The following PKD2 variants were observed in gnomAD, a reference collection of about 807,000 sequenced individuals.
PKD2 encodes the protein polycystin 2, transient receptor potential cation channel, also known as polycystin-2.
Under a neutral mutation model 105.9 loss-of-function variants are expected in PKD2, and 48 were observed. That is an observed-to-expected ratio of 0.45 (90% CI 0.36 to 0.58). The LOEUF (loss-of-function observed/expected upper bound fraction) is 0.58, where lower values mean the gene tolerates loss of function less well. Ranked by LOEUF, PKD2 falls within the 20% of genes least tolerant of loss-of-function variation. PKD2 has a pLI of 0.00. For synonymous variants in PKD2, 464 were observed against 481.1 expected, an observed-to-expected ratio of 0.96 and a Z score of 0.46; for missense variants, 1,078 against 1,255.3, an observed-to-expected ratio of 0.86 and a Z score of 2.13.
Position 88,065,092 on chromosome 4 carries a change from A to G in PKD2, c.2119-282A>G, listed in dbSNP as rs544231158. The stretch of plus-strand genomic sequence containing the variant: ...TCTGAGGCAGACAGCTATAGCATAT[A>G]TAGTAATTTTTGTTTCTATCACATA... On this transcript the variant is annotated intron_variant, in intron 10 of 14. Coordinates refer to ENST00000237596, the MANE Select transcript of PKD2 (RefSeq NM_000297.4). Among the ~76,000 whole-genome samples, 11 of 152,352 alleles carry G rather than the reference A, an allele frequency of 7.2e-5. No individual in the cohort carries two copies. The South Asian group carries it at 2.3e-3, about 32-fold the overall frequency.
In PKD2 at chr4:88,073,188, T is replaced by TA. The variant is rs370425542; in HGVS notation, c.2523-1606dup. Among the ~76,000 whole-genome samples, 756 of 115,908 alleles carry TA rather than the reference T, an allele frequency of 6.5e-3. 5 individuals are homozygous for TA. The highest frequency in any genetic ancestry group is 0.015 in the East Asian group (64 of 4,158). 76.0% of individuals were successfully genotyped at this position (115,908 alleles called of 152,430 possible). A position where few individuals can be genotyped will look rare whatever the true frequency, so the allele number is the denominator to read the frequency against. On this transcript the variant is annotated intron_variant, in intron 13 of 14. Transcript: ENST00000237596. ...TAACATAGCGAGACTTTGTCTCTAT[T>TA]AAAAAAAAAAAAAAAAAAGGTGTAA... is the stretch of plus-strand genomic sequence containing the variant.
At chr4:88,047,544 G>A (rs1727822798) in intron 6 of PKD2, among the ~76,000 whole-genome samples, 2 of 152,208 alleles carry the variant, frequency 1.3e-5, no homozygotes, top group Admixed American at 6.5e-5. Context: ...CTGGGTGACA[G>A]AGTGAGACCT....
chr4:88,074,578 G>A (rs917601049), intron 13 of PKD2, among the ~76,000 whole-genome samples: 1 of 152,118 alleles, frequency 6.6e-6, no homozygotes, highest in African/African-American at 2.4e-5. Context: ...TAAAGGGTTA[G>A]GCATACATTC....
chr4:88,056,664 T>A (rs1720349794), intron 8 of PKD2, among the ~76,000 whole-genome samples: 1 of 152,240 alleles, frequency 6.6e-6, no homozygotes, highest in South Asian at 2.1e-4. Flanking sequence ...AAGATATTTC[T>A]AATATTCTAA....
intron 1 of PKD2, among the ~76,000 whole-genome samples, chr4:88,018,698 A>G (rs1384610207): frequency 6.6e-6 from 1 of 152,218 alleles, no homozygotes; most frequent in Non-Finnish European, 1.5e-5. Context: ...GGGTTACGTC[A>G]TCTTCACTCA....
In PKD2 at chr4:88,008,265, C is replaced by T. The variant is rs940750317; in HGVS notation, c.532C>T (p.Leu178Phe). The stretch of plus-strand genomic sequence containing the variant: ...CGGCGGGGACCCGCTGCATCGCCAC[C>T]TCCCCCTGGAAGGGCAGCCGCCCCG... ...VGGGDPLHRH[L>F]PLEGQPPRVA... Residue 178 changes from leucine to phenylalanine, a missense_variant, in exon 1 of 15, where the codon CTC (leucine) becomes TTC (phenylalanine). By Grantham distance (22) the Leu-to-Phe change is conservative. Transcript: ENST00000237596. 15 of 1,468,792 alleles carry T rather than the reference C, an allele frequency of 1.0e-5. No individual in the cohort carries two copies. In the Admixed American group the frequency reaches 3.3e-4, roughly 32 times the overall value. The allele number at this position is 1,468,792 out of a possible 1,614,324, so 91.0% of individuals were successfully genotyped here. A position where few individuals can be genotyped will look rare whatever the true frequency, so the allele number is the denominator to read the frequency against.
chr4:88,008,084 G>T lies in PKD2; in HGVS notation c.351G>T (p.Glu117Asp). The T allele has an allele frequency of 6.6e-7, 1 of 1,519,402 alleles. No homozygotes were observed. The highest frequency in any genetic ancestry group is 2.5e-5 in the East Asian group (1 of 39,374). The allele number at this position is 1,519,402 out of a possible 1,614,324, so 94.1% of individuals were successfully genotyped here. The change falls in exon 1 of 15, where the codon GAG becomes GAT. Residue 117 changes from glutamate to aspartate, a missense_variant. Glu to Asp is a conservative substitution (Grantham distance 45, BLOSUM62 2). Transcript: ENST00000237596. ...EGGMVVEMDV[E>D]WRPGSRRSAA... ...GAATGGTGGTGGAGATGGACGTAGA[G>T]TGGCGCCCGGGCAGCCGGAGGTCGG...
chr4:88,038,600 C>T (rs1727431453), intron 4 of PKD2, 99 bp downstream of exon 4: 2 of 1,283,034 alleles, frequency 1.6e-6, no homozygotes, highest in African/African-American at 1.5e-5. Flanking sequence ...TTCACCAAGG[C>T]AAAAATAAGT....
chr4:88,013,448 T>A (rs1017014563), intron 1 of PKD2, among the ~76,000 whole-genome samples: 5 of 152,200 alleles, frequency 3.3e-5, no homozygotes, highest in Non-Finnish European at 7.3e-5. Flanking sequence ...CAGCCGCTCA[T>A]GCCTATAGTC....
chr4:88,050,797 T>A (rs899407560), intron 6 of PKD2, among the ~76,000 whole-genome samples: 1 of 151,836 alleles, frequency 6.6e-6, no homozygotes, highest in African/African-American at 2.4e-5. Context: ...AAATACAAGA[T>A]TGGCTCTGGA....
In PKD2 at chr4:88,008,243, C is replaced by T. The variant is rs919016801; in HGVS notation, c.510C>T (p.Gly170=). ...CGCCGTGCCCCAGCCCAGTCGGCGG[C>T]GGGGACCCGCTGCATCGCCACCTCC... ...QGPPCPSPVG[G]GDPLHRHLPL... The change falls in exon 1 of 15, where the codon GGC becomes GGT. Residue 170 remains glycine (G), a synonymous_variant. Coordinates refer to ENST00000237596, the MANE Select transcript of PKD2 (RefSeq NM_000297.4). 1.4e-6 allele frequency: 2 copies of T among 1,453,654 alleles called. No individual in the cohort carries two copies. Among genetic ancestry groups the T allele is most frequent in the African/African-American group, 1.5e-5 (1 of 67,936 alleles). 90.0% of individuals were successfully genotyped at this position (1,453,654 alleles called of 1,614,324 possible).
intron 1 of PKD2, 53 bp downstream of exon 1, chr4:88,008,381 CGGCCGGG>C (rs1726268275): frequency 6.8e-7 from 1 of 1,474,386 alleles, no homozygotes; most frequent in Admixed American, 2.3e-5. Context: ...CGGCCGGCGC[CGGCCGGG>C]GCCATCGCCC....
At chr4:88,045,747 A>G (rs1727742599) in intron 5 of PKD2, among the ~76,000 whole-genome samples, 1 of 151,842 alleles carries the variant, frequency 6.6e-6, no homozygotes, top group African/African-American at 2.4e-5. Flanking sequence ...TGTATGTTTT[A>G]GACAATCAGA....
chr4:88,019,534 G>T lies in PKD2; in HGVS notation c.672G>T (p.Leu224=), dbSNP rs760389158. The T allele has an allele frequency of 1.9e-6, 3 of 1,598,186 alleles. No individual in the cohort carries two copies. Among genetic ancestry groups the T allele is most frequent in the Non-Finnish European group, 1.7e-6 (2 of 1,165,692 alleles). The change falls in exon 2 of 15, where the codon CTG becomes CTT. Residue 224 remains leucine (L), a synonymous_variant. Transcript: ENST00000237596. The part of the protein sequence containing the change: ...EKYLKSVLRE[L]VTYLLFLIVL... ...ACCTTAAAAGTGTTTTACGGGAACTGGTCACATACCTCCTTTTTCTCATAG... is the reference window on the plus strand; with the variant it reads ...ACCTTAAAAGTGTTTTACGGGAACTTGTCACATACCTCCTTTTTCTCATAG...
chr4:88,050,253 C>T lies in PKD2; in HGVS notation c.1549-1738C>T, dbSNP rs918119259. Among the ~76,000 whole-genome samples, 5 of 152,072 alleles carry T rather than the reference C, an allele frequency of 3.3e-5. No individual in the cohort carries two copies. The South Asian group carries it at 6.2e-4, about 19-fold the overall frequency. On this transcript the variant is annotated intron_variant, in intron 6 of 14. Transcript: ENST00000237596. ...CCTCCCAAAGTGCTGGGATTACAGG[C>T]GTGAACCACCGCGCCTGGCCCGACT...
chr4:88,037,868 T>C (rs1049850224), intron 3 of PKD2, among the ~76,000 whole-genome samples: 6 of 147,678 alleles, frequency 4.1e-5, no homozygotes, highest in Admixed American at 1.3e-4. Context: ...GCCTTTTCTC[T>C]AAACAAAGTT....
chr4:88,052,082 A>G lies in PKD2; in HGVS notation c.1640A>G (p.Asn547Ser), dbSNP rs773726125. 14 of 1,606,640 alleles carry G rather than the reference A, an allele frequency of 8.7e-6. 1 individual carries two copies. In the South Asian group the frequency reaches 1.4e-4, roughly 16 times the overall value. Residue 547 changes from asparagine (N) to serine (S), a missense_variant, in exon 7 of 15, where the codon AAC becomes AGC. This residue lies in a region of PKD2 where 868 missense variants were observed against 1,067.3 expected (regional missense o/e 0.81). Transcript: ENST00000237596. Reference protein sequence around the residue: ...QFLEDQNTFPNFEHLAYWQIQ... With the variant: ...QFLEDQNTFPSFEHLAYWQIQ... ...CTGGAAGATCAAAATACTTTCCCCAACTTTGAGCATCTGGCATATTGGCAG... is the reference window on the plus strand; with the variant it reads ...CTGGAAGATCAAAATACTTTCCCCAGCTTTGAGCATCTGGCATATTGGCAG...
At chr4:88,030,652 A>G (rs1428736717) in intron 2 of PKD2, among the ~76,000 whole-genome samples, 2 of 152,186 alleles carry the variant, frequency 1.3e-5, no homozygotes, top group African/African-American at 2.4e-5. Flanking sequence ...TCCAGGGAGA[A>G]GCTTAGTGGT....
At chr4:88,060,046 A>G (rs1358503544) in intron 9 of PKD2, among the ~76,000 whole-genome samples, 1 of 152,184 alleles carries the variant, frequency 6.6e-6, no homozygotes, top group Non-Finnish European at 1.5e-5. Flanking sequence ...GATGGAGAGG[A>G]GGGTGAGCTA....
Sources: allele counts gnomAD v4.1 joint callset (sites outside exome capture counted in the v4.1 genomes callset), GRCh38; gene constraint gnomAD v4.1.1; regional missense constraint gnomAD v4.1.1; transcripts MANE v1.5; gene names NCBI Gene and HGNC (gene_info 2026-07-23, HGNC 2026-07-21).